The following LITAF variants were observed in gnomAD, a reference collection of about 807,000 sequenced individuals.
The protein encoded by LITAF is lipopolysaccharide induced TNF factor, also known as lipopolysaccharide-induced tumor necrosis factor-alpha factor.
Under a neutral mutation model 14.5 loss-of-function variants are expected in LITAF, and 9 were observed. The ratio of observed to expected loss-of-function variants is 0.62; its 90% confidence interval spans 0.37 to 1.08. The LOEUF (loss-of-function observed/expected upper bound fraction) is 1.08, where lower values mean the gene tolerates loss of function less well. LITAF is among the 50% of genes least tolerant of loss of function. The pLI is 0.01. For synonymous variants in LITAF, 98 were observed against 88.2 expected, an observed-to-expected ratio of 1.11 and a Z score of -0.62; for missense variants, 206 against 213.4, an observed-to-expected ratio of 0.97 and a Z score of 0.22.
chr16:11,551,920 CT>C lies in LITAF; in HGVS notation c.377+1612del, dbSNP rs34257398. The C allele has an allele frequency of 0.4, 144,731 of 362,934 alleles. 16,349 individuals carry two copies. Among genetic ancestry groups the C allele is most frequent in the African/African-American group, 0.47 (21,830 of 46,168 alleles). The allele number at this position is 362,934 out of a possible 1,614,324, so 22.5% of individuals were successfully genotyped here. ...AATACAAATATCCAGAGGCAATGGA[CT>C]TTTTTTTTTTTTAAGCATTTTCTGC... On this transcript the variant is annotated intron_variant, in intron 3 of 3. Coordinates refer to ENST00000622633, the MANE Select transcript of LITAF (RefSeq NM_001136472.2).
At chr16:11,630,634 A>C (rs1433063400) in intron 3 of LITAF, among the ~76,000 whole-genome samples, 1 of 145,844 alleles carries the variant, frequency 6.9e-6, no homozygotes, top group African/African-American at 2.6e-5. Context: ...GCTGGAGTGC[A>C]GTGGTGAGAT....
intron 1 of LITAF, among the ~76,000 whole-genome samples, chr16:11,562,136 G>A (rs1056172068): frequency 2.0e-5 from 3 of 151,460 alleles, no homozygotes; most frequent in African/African-American, 7.3e-5. Context: ...GCCCAGGATG[G>A]TCATAAACTC....
chr16:11,567,246 C>T (rs987921713), intron 1 of LITAF, among the ~76,000 whole-genome samples: 4 of 152,084 alleles, frequency 2.6e-5, no homozygotes, highest in East Asian at 1.9e-4. Flanking sequence ...ATGGCAAAAC[C>T]TCGTCTCTAC....
chr16:11,619,561 C>T (rs919160385), intron 3 of LITAF, among the ~76,000 whole-genome samples: 11 of 151,764 alleles, frequency 7.2e-5, no homozygotes, highest in African/African-American at 2.2e-4. Context: ...TTCTACTTTC[C>T]CACTTTGTTT....
At chr16:11,602,060 G>A (rs1224830465), upstream of LITAF, among the ~76,000 whole-genome samples, 3 of 152,180 alleles carry the variant, frequency 2.0e-5, no homozygotes, top group Non-Finnish European at 4.4e-5. Flanking sequence ...CACTCAATAA[G>A]ATAACTCTGC....
At chr16:11,551,480 C>G (rs1169422520) in intron 3 of LITAF, among the ~76,000 whole-genome samples, 2 of 152,140 alleles carry the variant, frequency 1.3e-5, no homozygotes, top group African/African-American at 4.8e-5. Context: ...AAGGAAGGAA[C>G]AAAGGGAGGG....
upstream of LITAF, among the ~76,000 whole-genome samples, chr16:11,588,894 C>G (rs1248145393): frequency 6.6e-6 from 1 of 151,868 alleles, no homozygotes; most frequent in African/African-American, 2.4e-5. Flanking sequence ...CTCCTTTCCT[C>G]CCTTCCTCGC....
upstream of LITAF, among the ~76,000 whole-genome samples, chr16:11,591,363 T>C (rs2064844777): frequency 8.3e-6 from 1 of 120,690 alleles, no homozygotes; most frequent in Admixed American, 8.1e-5. Context: ...TTTTAAATTT[T>C]TTGTATAGAT....
rs565239155 is a variant in LITAF, at chr16:11,617,671, C to T, written c.85+15862G>A. Among the ~76,000 whole-genome samples, 15 of 151,950 alleles carry T rather than the reference C, an allele frequency of 9.9e-5. No individual in the cohort carries two copies. The East Asian group carries it at 2.5e-3, about 26-fold the overall frequency. On this transcript the variant is annotated intron_variant, in intron 3 of 3. Transcript: ENST00000574848. ...CGAACTCCTGACCTTGTCATCCGCC[C>T]GCCTCGGCCTCCCAAAATGCTGGGA...
rs760120748 is a variant in LITAF at position 11,556,719 on chromosome 16, T to C, written c.12A>G (p.Pro4=). The C allele has an allele frequency of 2.5e-6, 4 of 1,614,128 alleles. No homozygotes were observed. Among genetic ancestry groups the C allele is most frequent in the Non-Finnish European group, 2.5e-6 (3 of 1,179,972 alleles). The change falls in exon 2 of 4, where the codon CCA becomes CCG. Residue 4 remains proline, a synonymous_variant. Coordinates refer to ENST00000622633, the MANE Select transcript of LITAF (RefSeq NM_001136472.2). MSV[P]GPYQAATGPS... ...GCCCAGTGGCCGCCTGGTAAGGTCC[T>C]GGAACCGACATTTTACCTAAAACAG...
intron 3 of LITAF, among the ~76,000 whole-genome samples, chr16:11,550,883 C>T (rs886454673): frequency 1.3e-5 from 2 of 152,150 alleles, no homozygotes; most frequent in African/African-American, 4.8e-5. Flanking sequence ...CACAGAGAAT[C>T]CAAAAACCAA....
chr16:11,555,877 AT>A lies in LITAF; in HGVS notation c.220+633del, dbSNP rs552428022. Among the ~76,000 whole-genome samples the A allele has an allele frequency of 3.4e-3, 518 of 152,236 alleles. 4 individuals are homozygous for A. Among genetic ancestry groups the A allele is most frequent in the African/African-American group, 0.012 (495 of 41,528 alleles). On this transcript the variant is annotated intron_variant, in intron 2 of 3. Coordinates refer to ENST00000622633, the MANE Select transcript of LITAF (RefSeq NM_001136472.2). ...TATAAATAGGTACTTGATGAAACCT[AT>A]TTTACAAATGGGGAAGCTGAGGCAC...
intron 3 of LITAF, among the ~76,000 whole-genome samples, chr16:11,631,095 G>T (rs2065115695): frequency 6.6e-6 from 1 of 152,166 alleles, no homozygotes; most frequent in Non-Finnish European, 1.5e-5. Flanking sequence ...TGGTGGACTT[G>T]GGATTTGGAC....
At chr16:11,570,212 T>C (rs1177706942) in intron 1 of LITAF, among the ~76,000 whole-genome samples, 2 of 152,150 alleles carry the variant, frequency 1.3e-5, no homozygotes, top group Non-Finnish European at 2.9e-5. Context: ...CCAACAGTAG[T>C]ACTTACACTT....
chr16:11,578,125 G>A (rs79334060), intron 1 of LITAF, among the ~76,000 whole-genome samples: 13 of 151,968 alleles, frequency 8.6e-5, no homozygotes, highest in South Asian at 2.1e-4. Flanking sequence ...TCTTAAACTC[G>A]TGGGTTCAAG....
In LITAF at chr16:11,622,349, G is replaced by A. The variant is rs2065056350; in HGVS notation, c.85+11184C>T. Among the ~76,000 whole-genome samples, 4 of 152,364 alleles carry A rather than the reference G, an allele frequency of 2.6e-5. 1 individual carries two copies. In the South Asian group the frequency reaches 8.3e-4, roughly 32 times the overall value. On this transcript the variant is annotated intron_variant, in intron 3 of 3. Transcript: ENST00000574848. ...CCTGCGGCCTCCCCCTGCTCCCTGG[G>A]TGGGGAGATATCCCAAGACCCCTCT...
chr16:11,636,853 C>A (rs1314969768), upstream of LITAF, among the ~76,000 whole-genome samples: 1 of 151,820 alleles, frequency 6.6e-6, no homozygotes, highest in Non-Finnish European at 1.5e-5. Context: ...CCCTTACTAT[C>A]TGCCTAAATA....
intron 1 of LITAF, among the ~76,000 whole-genome samples, chr16:11,569,214 A>G (rs573986797): frequency 1.4e-4 from 21 of 152,256 alleles, no homozygotes; most frequent in African/African-American, 4.6e-4. Context: ...GAGATGATAC[A>G]GGCTGGACAT....
At chr16:11,556,052 T>C (rs1189934354) in intron 2 of LITAF, among the ~76,000 whole-genome samples, 1 of 152,144 alleles carries the variant, frequency 6.6e-6, no homozygotes, top group East Asian at 1.9e-4. Flanking sequence ...GACCATCTAG[T>C]TGCTCAAAAG....
Sources: allele counts gnomAD v4.1 joint callset (sites outside exome capture counted in the v4.1 genomes callset), GRCh38; gene constraint gnomAD v4.1.1; transcripts MANE v1.5; gene names NCBI Gene and HGNC (gene_info 2026-07-23, HGNC 2026-07-21).